NVL: variants seen among roughly 807,000 people sequenced by gnomAD.
NVL encodes nuclear VCP like.
NVL carries 84 observed loss-of-function variants against 110.2 expected under a neutral mutation model. The observed-to-expected ratio is 0.76, with a 90% CI of 0.64 to 0.91. NVL has a LOEUF of 0.91. Among genes scored for constraint, NVL ranks in the 40% least tolerant of loss-of-function variants. NVL has a pLI of 0.00. For missense variants in NVL, 882 were observed against 1,035.9 expected (o/e 0.85, Z 2.04); for synonymous variants, 354 against 361.1 (o/e 0.98, Z 0.22).
chr1:224,320,318 G>C (rs757577569), intron 2 of NVL, among the ~76,000 whole-genome samples: 60 of 152,146 alleles, frequency 3.9e-4, no homozygotes, highest in Non-Finnish European at 6.2e-4. Context: ...TAGAGTATAT[G>C]GGTGTTCTTT....
intron 18 of NVL, among the ~76,000 whole-genome samples, chr1:224,264,751 T>G (rs904409189): frequency 1.3e-5 from 2 of 151,982 alleles, no homozygotes; most frequent in African/African-American, 2.4e-5. Flanking sequence ...TTATTATTAT[T>G]ATTTTTTGAG....
chr1:224,292,648 G>A (rs1239499550), intron 12 of NVL, among the ~76,000 whole-genome samples: 2 of 152,092 alleles, frequency 1.3e-5, no homozygotes, highest in East Asian at 1.9e-4. Context: ...TCTCACATGC[G>A]GCACTCTGCC....
chr1:224,237,664 G>C (rs902918752), intron 19 of NVL, among the ~76,000 whole-genome samples: 1 of 151,612 alleles, frequency 6.6e-6, no homozygotes, highest in Non-Finnish European at 1.5e-5. Flanking sequence ...TGACCTCCTC[G>C]GCACAAGAGA....
At chr1:224,317,667 A>G in intron 4 of NVL, 27 bp downstream of exon 4, 1 of 1,362,766 alleles carries the variant, frequency 7.3e-7, no homozygotes, top group Non-Finnish European at 1.0e-6. Flanking sequence ...TCATGGTTTA[A>G]AAAAACCCTG....
At chr1:224,276,517 C>T (rs1158661421) in intron 16 of NVL, among the ~76,000 whole-genome samples, 3 of 152,174 alleles carry the variant, frequency 2.0e-5, no homozygotes. Flanking sequence ...GGATTACAGG[C>T]ATGAGCCACT....
chr1:224,303,594 A>T lies in NVL; in HGVS notation c.960+129T>A. 1.3e-5 allele frequency: 10 copies of T among 790,582 alleles called. No individual in the cohort carries two copies. In the South Asian group the frequency reaches 2.0e-4, roughly 15 times the overall value. 49.0% of individuals were successfully genotyped at this position (790,582 alleles called of 1,614,324 possible). On this transcript the variant is annotated intron_variant, in intron 9 of 22. Coordinates refer to ENST00000281701, the MANE Select transcript of NVL (RefSeq NM_002533.4). Reference sequence around the variant, plus strand: ...ATAATACCAGCATGATAACAAAGGGATCAGTTCCAATGACTATGTTCTCTT... The same window carrying T: ...ATAATACCAGCATGATAACAAAGGGTTCAGTTCCAATGACTATGTTCTCTT...
intron 22 of NVL, among the ~76,000 whole-genome samples, chr1:224,228,764 C>G (rs1438267817): frequency 6.7e-6 from 1 of 148,538 alleles, no homozygotes; most frequent in Non-Finnish European, 1.5e-5. Flanking sequence ...ATGGTGAAAC[C>G]CTGTCTCTAC....
At chr1:224,323,733 C>A (rs143284312) in intron 2 of NVL, among the ~76,000 whole-genome samples, 1 of 152,188 alleles carries the variant, frequency 6.6e-6, no homozygotes, top group South Asian at 2.1e-4. Flanking sequence ...GGCACAGGTC[C>A]GGCAGGTGGG....
At chr1:224,257,591 T>TTG (rs1269105119) in intron 18 of NVL, among the ~76,000 whole-genome samples, 1 of 152,038 alleles carries the variant, frequency 6.6e-6, no homozygotes, top group African/African-American at 2.4e-5. Context: ...TGCAGTGGTG[T>TTG]ATCATAGCTC....
chr1:224,274,812 GTGGC>G (rs1374692613), intron 17 of NVL, among the ~76,000 whole-genome samples: 1 of 152,156 alleles, frequency 6.6e-6, no homozygotes, highest in Non-Finnish European at 1.5e-5. Context: ...GTGACTCAGT[GTGGC>G]TGACACAAGT....
At chr1:224,293,452 G>A (rs1667574486) in intron 12 of NVL, among the ~76,000 whole-genome samples, 1 of 152,152 alleles carries the variant, frequency 6.6e-6, no homozygotes, top group African/African-American at 2.4e-5. Context: ...TATATTTCTG[G>A]TTATTGGTGG....
intron 22 of NVL, 63 bp downstream of exon 22, chr1:224,231,163 G>T: frequency 2.7e-6 from 3 of 1,093,880 alleles, no homozygotes; most frequent in Non-Finnish European, 4.2e-6. Flanking sequence ...TAATTCATGA[G>T]GTCATATCTA....
chr1:224,316,364 G>A (rs918729910), intron 4 of NVL, among the ~76,000 whole-genome samples: 2 of 152,090 alleles, frequency 1.3e-5, no homozygotes, highest in African/African-American at 4.8e-5. Context: ...AAAATGCAAT[G>A]TAACATACAG....
At chr1:224,319,167 A>AG (rs1670395936) in intron 2 of NVL, among the ~76,000 whole-genome samples, 1 of 151,332 alleles carries the variant, frequency 6.6e-6, no homozygotes, top group East Asian at 1.9e-4. Context: ...AAAAAAAAAA[A>AG]AAAAAAAAAG....
intron 18 of NVL, among the ~76,000 whole-genome samples, chr1:224,253,831 G>A (rs1283894571): frequency 6.6e-6 from 1 of 151,502 alleles, no homozygotes; most frequent in East Asian, 1.9e-4. Context: ...GAAAGTTCCA[G>A]TTCCTCCATA....
intron 2 of NVL, among the ~76,000 whole-genome samples, chr1:224,322,243 A>ATTTT (rs34841668): frequency 7.6e-6 from 1 of 131,792 alleles, no homozygotes; most frequent in Admixed American, 7.7e-5. Flanking sequence ...TGCCACGCTA[A>ATTTT]TTTTTTTTTT....
intron 4 of NVL, chr1:224,313,166 A>AG: frequency 3.5e-6 from 1 of 283,818 alleles, no homozygotes; most frequent in South Asian, 2.9e-5. Flanking sequence ...CTCAAAAAAA[A>AG]AAAAAAAAAA....
intron 22 of NVL, among the ~76,000 whole-genome samples, chr1:224,228,924 CAAAAAA>C (rs368485856): frequency 1.3e-3 from 107 of 81,676 alleles, no homozygotes; most frequent in Middle Eastern, 0.02. Flanking sequence ...GACTCCGTCT[CAAAAAA>C]AAAAAAAAAA....
chr1:224,266,207 G>T (rs1297329352), intron 18 of NVL, among the ~76,000 whole-genome samples: 1 of 151,992 alleles, frequency 6.6e-6, no homozygotes, highest in African/African-American at 2.4e-5. Flanking sequence ...GAGAAACAGG[G>T]CCCTCATTTC....
Sources: gnomAD v4.1 joint callset for allele counts (sites outside exome capture counted in the v4.1 genomes callset) on GRCh38, gnomAD v4.1.1 for gene constraint, MANE v1.5 for transcripts, NCBI Gene and HGNC (gene_info 2026-07-23, HGNC 2026-07-21) for gene names.